The following GDF5 variants were observed in gnomAD, a reference collection of about 807,000 sequenced individuals.
GDF5 encodes growth differentiation factor 5.
A neutral mutation model predicts 34.6 loss-of-function variants in GDF5; 17 were observed. The ratio of observed to expected loss-of-function variants is 0.49; its 90% CI spans 0.34 to 0.74. The LOEUF (loss-of-function observed/expected upper bound fraction) is 0.74, where lower values mean the gene tolerates loss of function less well. Among genes scored for constraint, GDF5 ranks in the 30% least tolerant of loss-of-function variants. GDF5 has a pLI of 0.01. For missense variants in GDF5, 616 were observed against 661.2 expected, an observed-to-expected ratio of 0.93 and a Z score of 0.75; for synonymous variants, 332 against 290.7, an observed-to-expected ratio of 1.14 and a Z score of -1.44.
At position 35,434,353 on chromosome 20, in the gene GDF5, G is replaced by C. The variant is rs2062459469; in HGVS notation, c.1062C>G (p.Phe354Leu). 1 of 1,613,736 alleles carries C rather than the reference G, an allele frequency of 6.2e-7. No homozygotes were observed. Among genetic ancestry groups the C allele is most frequent in the Admixed American group, 1.7e-5 (1 of 60,000 alleles). ...VFGRTKKRDL[F>L]FNEIKARSGQ... is the part of the protein sequence containing the mutation. ...CAGAGCGGGCCTTAATCTCATTAAAGAACAGGTCCCGTTTCTTGGTGCGGC... is the reference window on the plus strand; with the variant it reads ...CAGAGCGGGCCTTAATCTCATTAAACAACAGGTCCCGTTTCTTGGTGCGGC... The change falls in exon 2 of 2, where the codon TTC becomes TTG. Residue 354 changes from phenylalanine to leucine, a missense_variant. Transcript: ENST00000374369.
chr20:35,434,266 T>C lies in GDF5; in HGVS notation c.1149A>G (p.Pro383=), dbSNP rs61754580. The C allele has an allele frequency of 1.2e-6, 2 of 1,613,488 alleles. No individual in the cohort carries two copies. The highest frequency in any genetic ancestry group is 2.2e-5 in the East Asian group (1 of 44,888). Residue 383 remains proline (P), a synonymous_variant, in exon 2 of 2, where the codon CCA becomes CCG. Coordinates refer to ENST00000374369, the MANE Select transcript of GDF5 (RefSeq NM_000557.5). The stretch of plus-strand genomic sequence containing the variant: ...GTCGCTTGCCCTGGCGAGTGGCCAG[T>C]GGGGCCCGCCGTTTTCGCCGCTGGC... ...LFSQRRKRRA[P]LATRQGKRPS... is the part of the protein sequence containing the mutation.
At chr20:35,440,719 T>C (rs1229510576), upstream of GDF5, among the ~76,000 whole-genome samples, 2 of 152,242 alleles carry the variant, frequency 1.3e-5, no homozygotes, top group Non-Finnish European at 2.9e-5. Flanking sequence ...TTCCACTCTG[T>C]ATTTTGTCAT....
chr20:35,449,281 ATT>A (rs11481611), intron 1 of GDF5, among the ~76,000 whole-genome samples: 72 of 148,468 alleles, frequency 4.8e-4, no homozygotes, highest in Non-Finnish European at 6.1e-4. Flanking sequence ...TCTGCTTAGC[ATT>A]TTTTTTTTTT....
rs375024998 is a variant in GDF5 at position 35,437,958 on chromosome 20, G to T, written c.-30C>A. 178 of 1,613,246 alleles carry T rather than the reference G, an allele frequency of 1.1e-4. No individual in the cohort carries two copies. Among genetic ancestry groups the T allele is most frequent in the Non-Finnish European group, 7.3e-5 (86 of 1,179,676 alleles). On this transcript the variant is annotated 5_prime_UTR_variant, in exon 1 of 2. Transcript: ENST00000374369. ...TGGCCAGCCGCTGAATGACACCAAA[G>T]AGAACAGCGGCAGCAGCGAAGGTGC...
chr20:35,452,714 A>C (rs918553106), intron 1 of GDF5, among the ~76,000 whole-genome samples: 11 of 152,004 alleles, frequency 7.2e-5, no homozygotes, highest in Admixed American at 6.6e-4. Context: ...GAGCCACCGC[A>C]CCCGGCCGAC....
At chr20:35,439,462 C>T (rs1231213035), upstream of GDF5, among the ~76,000 whole-genome samples, 1 of 151,998 alleles carries the variant, frequency 6.6e-6, no homozygotes, top group South Asian at 2.1e-4. Flanking sequence ...CTCCTGACCT[C>T]GTGATCCGCC....
chr20:35,446,960 A>G (rs973443940), intron 1 of GDF5, among the ~76,000 whole-genome samples: 2 of 152,068 alleles, frequency 1.3e-5, no homozygotes, highest in Non-Finnish European at 2.9e-5. Flanking sequence ...CCCGCGCCGC[A>G]AACCTGGTTT....
upstream of GDF5, among the ~76,000 whole-genome samples, chr20:35,443,046 C>T (rs1476916700): frequency 2.0e-5 from 3 of 152,010 alleles, no homozygotes; most frequent in Non-Finnish European, 4.4e-5. Flanking sequence ...ACTTTGGGGA[C>T]ATGGAGGAGT....
intron 1 of GDF5, among the ~76,000 whole-genome samples, chr20:35,444,480 T>A (rs954001045): frequency 6.6e-6 from 1 of 152,100 alleles, no homozygotes; most frequent in Non-Finnish European, 1.5e-5. Flanking sequence ...GGAGCTGGTG[T>A]GGCTGAAGCA....
At chr20:35,442,190 A>T (rs1241478965), upstream of GDF5, among the ~76,000 whole-genome samples, 1 of 152,142 alleles carries the variant, frequency 6.6e-6, no homozygotes, top group Non-Finnish European at 1.5e-5. Context: ...TCTCTCACCC[A>T]GTCTGGAGTG....
At chr20:35,447,759 G>A (rs1353463029) in intron 1 of GDF5, among the ~76,000 whole-genome samples, 1 of 152,072 alleles carries the variant, frequency 6.6e-6, no homozygotes, top group Non-Finnish European at 1.5e-5. Flanking sequence ...CTCCCCAGAA[G>A]CAACAACTCT....
upstream of GDF5, among the ~76,000 whole-genome samples, chr20:35,442,692 G>A (rs959944927): frequency 7.3e-5 from 11 of 151,118 alleles, no homozygotes; most frequent in African/African-American, 2.4e-4. Context: ...CTACCGATGC[G>A]CACCAAGACG....
At chr20:35,446,943 A>G (rs1296163821) in intron 1 of GDF5, among the ~76,000 whole-genome samples, 1 of 152,024 alleles carries the variant, frequency 6.6e-6, no homozygotes, top group Non-Finnish European at 1.5e-5. Context: ...GCCTCTGCCT[A>G]CACTCACCCG....
chr20:35,436,198 G>A (rs886816117), intron 1 of GDF5, among the ~76,000 whole-genome samples: 3 of 152,064 alleles, frequency 2.0e-5, no homozygotes, highest in Non-Finnish European at 4.4e-5. Flanking sequence ...CCCTCTCCAA[G>A]CTCCCTTAGT....
chr20:35,446,323 A>T (rs1487712089), intron 1 of GDF5, among the ~76,000 whole-genome samples: 1 of 151,596 alleles, frequency 6.6e-6, no homozygotes, highest in Non-Finnish European at 1.5e-5. Flanking sequence ...AAACAACAAC[A>T]AAAAAAAACT....
At chr20:35,446,085 A>G (rs1397659079) in intron 1 of GDF5, among the ~76,000 whole-genome samples, 1 of 152,156 alleles carries the variant, frequency 6.6e-6, no homozygotes. Flanking sequence ...AGGTGGGCAG[A>G]TTACCTGAGG....
In GDF5 at chr20:35,452,308, C is replaced by T. The variant is rs539406085; in HGVS notation, c.-398+2332G>A. Among the ~76,000 whole-genome samples the T allele has an allele frequency of 1.6e-4, 24 of 152,322 alleles. No homozygotes were observed. The South Asian group carries it at 4.1e-3, about 26-fold the overall frequency. On this transcript the variant is annotated intron_variant, in intron 1 of 3. Coordinates refer to the GDF5 transcript ENST00000374372. ...ATTCAATACTAGAACATAATCAATG[C>T]TCAATAAATGTCCACTGGGTAAATG... is the stretch of plus-strand genomic sequence containing the variant.
At chr20:35,442,636 C>G (rs1178892521), upstream of GDF5, among the ~76,000 whole-genome samples, 1 of 148,822 alleles carries the variant, frequency 6.7e-6, no homozygotes, top group Non-Finnish European at 1.5e-5. Flanking sequence ...ACCTCTGCCT[C>G]CCAGTTTAAG....
Position 35,434,594 on chromosome 20 carries a change from G to A in GDF5, c.821C>T (p.Pro274Leu), listed in dbSNP as rs773216147. 5.7e-6 allele frequency: 9 copies of A among 1,588,120 alleles called. No individual in the cohort carries two copies. Among genetic ancestry groups the A allele is most frequent in the East Asian group, 4.5e-5 (2 of 44,424 alleles). Reference protein sequence around the residue: ...KLSSCPSGRQPAALLDVRSVP... With the variant: ...KLSSCPSGRQLAALLDVRSVP... ...GGAGCGCACATCCAGCAAGGCGGCC[G>A]GCTGCCGGCCGCTGGGGCAGCTGGA... Residue 274 changes from proline (P) to leucine (L), a missense_variant, in exon 2 of 2, where the codon CCG becomes CTG. Physicochemically the swap from Pro to Leu is moderately conservative, Grantham distance 98. Coordinates refer to ENST00000374369, the MANE Select transcript of GDF5 (RefSeq NM_000557.5).
Sources: allele counts gnomAD v4.1 joint callset (sites outside exome capture counted in the v4.1 genomes callset), GRCh38; gene constraint gnomAD v4.1.1; transcripts MANE v1.5; gene names NCBI Gene and HGNC (gene_info 2026-07-23, HGNC 2026-07-21).